Variants in PDE4D observed in about 807,000 individuals in gnomAD.
PDE4D encodes phosphodiesterase 4D.
Under a neutral mutation model 87.4 loss-of-function variants are expected in PDE4D, and 24 were observed. The observed-to-expected ratio is 0.27, with a 90% CI of 0.20 to 0.39. PDE4D has a LOEUF of 0.39. PDE4D is among the 10% of genes least tolerant of loss of function. The pLI is 1.00. For missense variants in PDE4D, 714 were observed against 1,041.0 expected, an observed-to-expected ratio of 0.69 and a Z score of 4.32; for synonymous variants, 384 against 383.2, an observed-to-expected ratio of 1.00 and a Z score of -0.02.
At chr5:59,891,553 T>G (rs548560407) in intron 1 of PDE4D, among the ~76,000 whole-genome samples, 63 of 152,246 alleles carry the variant, frequency 4.1e-4, no homozygotes, top group Non-Finnish European at 8.5e-4. Flanking sequence ...AAAATGAAAC[T>G]TTTATATTAA....
At chr5:59,990,498 T>C (rs987887693) in intron 2 of PDE4D, among the ~76,000 whole-genome samples, 8 of 151,790 alleles carry the variant, frequency 5.3e-5, no homozygotes, top group Admixed American at 4.0e-4. Context: ...TCCAGTTGTA[T>C]AGACAAGACG....
At chr5:60,268,322 C>T (rs1750457320) in intron 1 of PDE4D, among the ~76,000 whole-genome samples, 1 of 152,196 alleles carries the variant, frequency 6.6e-6, no homozygotes, top group African/African-American at 2.4e-5. Context: ...TATTTGCTTA[C>T]TTCTAGGACC....
intron 1 of PDE4D, among the ~76,000 whole-genome samples, chr5:59,837,092 T>C (rs905450819): frequency 6.6e-6 from 1 of 151,986 alleles, no homozygotes. Flanking sequence ...CAGTTCTCCA[T>C]CTCTCATTCA....
intron 1 of PDE4D, among the ~76,000 whole-genome samples, chr5:60,458,979 T>TTGTGTGTG (rs56310406): frequency 1.1e-4 from 16 of 148,684 alleles, no homozygotes; most frequent in African/African-American, 3.9e-4. Context: ...TGGTATAAGT[T>TTGTGTGTG]TGTGTGTGTG....
At chr5:59,248,493 T>C (rs958706077) in intron 1 of PDE4D, among the ~76,000 whole-genome samples, 3 of 152,026 alleles carry the variant, frequency 2.0e-5, no homozygotes, top group Non-Finnish European at 2.9e-5. Flanking sequence ...TTTTGTCTTA[T>C]GCTACTGTAA....
At chr5:59,108,794 C>T (rs1459964930) in intron 5 of PDE4D, among the ~76,000 whole-genome samples, 2 of 151,370 alleles carry the variant, frequency 1.3e-5, no homozygotes, top group Admixed American at 1.3e-4. Context: ...ATCTCAGCTA[C>T]TCGGGAGTCT....
chr5:59,082,719 C>T (rs953630787), intron 5 of PDE4D, among the ~76,000 whole-genome samples: 1 of 151,686 alleles, frequency 6.6e-6, no homozygotes, highest in Non-Finnish European at 1.5e-5. Flanking sequence ...TGGGAAGAGT[C>T]AATATTATAA....
intron 6 of PDE4D, among the ~76,000 whole-genome samples, chr5:59,027,709 C>T (rs1007726033): frequency 2.6e-5 from 4 of 152,198 alleles, no homozygotes; most frequent in African/African-American, 7.2e-5. Flanking sequence ...TTTGTTTGAG[C>T]AGGTCCTTAC....
intron 3 of PDE4D, among the ~76,000 whole-genome samples, chr5:59,920,547 AC>A (rs1754548682): frequency 1.3e-5 from 2 of 152,156 alleles, no homozygotes; most frequent in South Asian, 4.1e-4. Context: ...TATGTAACAT[AC>A]AGAGTTAGTT....
chr5:59,277,702 C>G (rs569601965), intron 1 of PDE4D, among the ~76,000 whole-genome samples: 1 of 152,242 alleles, frequency 6.6e-6, no homozygotes, highest in African/African-American at 2.4e-5. Context: ...TTTCAACTCT[C>G]CAGAAATAAT....
chr5:60,271,496 T>A (rs1750803191), intron 1 of PDE4D, among the ~76,000 whole-genome samples: 1 of 152,180 alleles, frequency 6.6e-6, no homozygotes, highest in South Asian at 2.1e-4. Context: ...ACCTTCTAAT[T>A]CTTTCTTTCA....
At chr5:59,033,423 T>C (rs942867732) in intron 6 of PDE4D, among the ~76,000 whole-genome samples, 3 of 152,210 alleles carry the variant, frequency 2.0e-5, no homozygotes, top group Non-Finnish European at 2.9e-5. Flanking sequence ...GCTCCCCTAC[T>C]AGAGCTACGC....
chr5:60,317,266 T>C (rs1357205426), intron 1 of PDE4D, among the ~76,000 whole-genome samples: 1 of 152,232 alleles, frequency 6.6e-6, no homozygotes, highest in Non-Finnish European at 1.5e-5. Context: ...TTTTCTAGTT[T>C]ATTTGCATAG....
At chr5:60,482,105 T>C (rs983722894) in intron 1 of PDE4D, among the ~76,000 whole-genome samples, 1 of 152,132 alleles carries the variant, frequency 6.6e-6, no homozygotes, top group African/African-American at 2.4e-5. Context: ...TGCTTGGAGA[T>C]GGTATCTTTG....
intron 6 of PDE4D, among the ~76,000 whole-genome samples, chr5:59,002,856 G>GT (rs1750820896): frequency 6.6e-6 from 1 of 152,078 alleles, no homozygotes; most frequent in African/African-American, 2.4e-5. Context: ...TAAATAACCA[G>GT]AACAGATACA....
intron 1 of PDE4D, among the ~76,000 whole-genome samples, chr5:59,752,487 CA>C (rs1376345148): frequency 2.0e-5 from 3 of 152,114 alleles, no homozygotes; most frequent in African/African-American, 7.2e-5. Context: ...TTGTATATCA[CA>C]AGACTGTGCT....
intron 1 of PDE4D, among the ~76,000 whole-genome samples, chr5:59,364,769 T>A (rs1322634101): frequency 2.0e-5 from 3 of 152,178 alleles, no homozygotes; most frequent in African/African-American, 7.2e-5. Flanking sequence ...ATATGGAATT[T>A]TGTTCAACAG....
chr5:60,365,246 A>T (rs1218836546), intron 1 of PDE4D, among the ~76,000 whole-genome samples: 2 of 152,222 alleles, frequency 1.3e-5, no homozygotes, highest in African/African-American at 2.4e-5. Flanking sequence ...CATGAGGAGA[A>T]GTCTTGCAAT....
rs192375516 is a variant in PDE4D, at chr5:59,184,844, G to T, written c.758+345C>A. Among the ~76,000 whole-genome samples the T allele has an allele frequency of 1.4e-4, 21 of 152,236 alleles. No individual in the cohort carries two copies. In the East Asian group the frequency reaches 4.1e-3, roughly 29 times the overall value. On this transcript the variant is annotated intron_variant, in intron 4 of 14. Coordinates refer to ENST00000340635, the MANE Select transcript of PDE4D (RefSeq NM_001104631.2). ...TGTCTTGAGAGGATGACTTTCAGCT[G>T]ATCTTAAGGTGTGATGAGATTATTC...
Sources: gnomAD v4.1 joint callset for allele counts (sites outside exome capture counted in the v4.1 genomes callset) on GRCh38, gnomAD v4.1.1 for gene constraint, MANE v1.5 for transcripts, NCBI Gene and HGNC (gene_info 2026-07-23, HGNC 2026-07-21) for gene names.